Variants in LYST observed in about 807,000 individuals in gnomAD.
LYST encodes the protein lysosomal-trafficking regulator.
A neutral mutation model predicts 413.6 loss-of-function variants in LYST; 192 were observed. That is an observed-to-expected ratio of 0.46 (90% CI 0.41 to 0.52). The LOEUF (loss-of-function observed/expected upper bound fraction) is 0.52. Ranked by LOEUF, LYST falls within the 20% of genes least tolerant of loss-of-function variation. The pLI is 0.00. For synonymous variants in LYST, 1,525 were observed against 1,567.3 expected, an observed-to-expected ratio of 0.97 and a Z score of 0.64; for missense variants, 3,815 against 4,499.9, an observed-to-expected ratio of 0.85 and a Z score of 4.35.
At chr1:235,702,265 A>G (rs1029962664) in intron 45 of LYST, among the ~76,000 whole-genome samples, 7 of 152,206 alleles carry the variant, frequency 4.6e-5, no homozygotes, top group African/African-American at 1.7e-4. Flanking sequence ...ACTTCTTATC[A>G]TTACAACCTG....
At chr1:235,821,206 G>A (rs1031608573) in intron 3 of LYST, among the ~76,000 whole-genome samples, 2 of 152,306 alleles carry the variant, frequency 1.3e-5, no homozygotes. Context: ...GGGAGGCCAA[G>A]GGGGGTGGTT....
intron 1 of LYST, among the ~76,000 whole-genome samples, chr1:235,872,511 CT>C (rs1303281917): frequency 6.6e-6 from 1 of 152,144 alleles, no homozygotes; most frequent in African/African-American, 2.4e-5. Context: ...TTCTTGGCAT[CT>C]GTGTGCAGCA....
Position 235,787,203 on chromosome 1 carries a change from T to C in LYST, c.4859A>G (p.Gln1620Arg). 4 of 1,613,008 alleles carry C rather than the reference T, an allele frequency of 2.5e-6. No homozygotes were observed. The highest frequency in any genetic ancestry group is 3.4e-6 in the Non-Finnish European group (4 of 1,179,038). ...ATTTTCTCAAAATGCTTCCTACCTC[T>C]GTCCAGAGACCCATATGGAGATTTT... Reference protein sequence around the residue: ...HGKISIWVSGQRKPDVTLDFM... With the variant: ...HGKISIWVSGRRKPDVTLDFM... Residue 1620 changes from glutamine to arginine, a missense_variant, in exon 14 of 53, where the codon CAG becomes CGG. Coordinates refer to ENST00000389793, the MANE Select transcript of LYST (RefSeq NM_000081.4).
intron 42 of LYST, among the ~76,000 whole-genome samples, chr1:235,713,401 C>T (rs189057155): frequency 2.6e-5 from 4 of 152,268 alleles, no homozygotes; most frequent in East Asian, 3.9e-4. Flanking sequence ...TAAGGAAATA[C>T]GGAACAAGAG....
intron 25 of LYST, among the ~76,000 whole-genome samples, chr1:235,754,860 G>A (rs950103428): frequency 9.3e-5 from 14 of 151,196 alleles, no homozygotes; most frequent in Admixed American, 2.0e-4. Context: ...GATGGCTTGA[G>A]GTCAGGAGTT....
At chr1:235,805,539 A>ATG (rs149137664) in intron 6 of LYST, among the ~76,000 whole-genome samples, 2 of 151,176 alleles carry the variant, frequency 1.3e-5, no homozygotes, top group Non-Finnish European at 2.9e-5. Flanking sequence ...CACTTATAAA[A>ATG]TGTGTGTGTG....
In LYST at chr1:235,781,031, G is replaced by A. The variant is rs769014135; in HGVS notation, c.5048C>T (p.Ala1683Val). ...FNGAKVGSQE[A>V]FYLYACGPNH... ...GGGTCCACAAGCATACAGATAAAAGGCCTCTTGTGAACCAACCTTAGCTCC... is the reference window on the plus strand; with the variant it reads ...GGGTCCACAAGCATACAGATAAAAGACCTCTTGTGAACCAACCTTAGCTCC... The change falls in exon 16 of 53, where the codon GCC (alanine) becomes GTC (valine). Residue 1683 changes from alanine to valine, a missense_variant. Around this residue, in one of 4 missense-constraint regions of LYST, gnomAD observed 530 missense variants for 696.5 expected, o/e 0.76. Coordinates refer to ENST00000389793, the MANE Select transcript of LYST (RefSeq NM_000081.4). 6.8e-6 allele frequency: 11 copies of A among 1,611,576 alleles called. No homozygotes were observed. The highest frequency in any genetic ancestry group is 8.5e-6 in the Non-Finnish European group (10 of 1,178,428).
At chr1:235,680,572 T>C (rs1232701818) in intron 48 of LYST, among the ~76,000 whole-genome samples, 3 of 151,830 alleles carry the variant, frequency 2.0e-5, no homozygotes, top group Non-Finnish European at 4.4e-5. Context: ...GGCCCATGGA[T>C]ATTTCTAATA....
chr1:235,669,276 G>A (rs187297003), intron 50 of LYST, among the ~76,000 whole-genome samples: 1 of 152,280 alleles, frequency 6.6e-6, no homozygotes, highest in East Asian at 1.9e-4. Context: ...CCCACCTCCT[G>A]GTGAGGCAGG....
At chr1:235,877,040 C>T (rs1199688385) in intron 1 of LYST, among the ~76,000 whole-genome samples, 1 of 152,210 alleles carries the variant, frequency 6.6e-6, no homozygotes, top group Non-Finnish European at 1.5e-5. Flanking sequence ...TGCTCCTTAC[C>T]TGTTTTCTAG....
At chr1:235,881,857 G>A (rs567722760) in intron 1 of LYST, among the ~76,000 whole-genome samples, 1 of 152,160 alleles carries the variant, frequency 6.6e-6, no homozygotes, top group South Asian at 2.1e-4. Flanking sequence ...CCAGAAGCTG[G>A]GGGATAGAAG....
chr1:235,775,968 G>A (rs995358960), intron 17 of LYST, among the ~76,000 whole-genome samples: 5 of 151,924 alleles, frequency 3.3e-5, no homozygotes, highest in African/African-American at 1.2e-4. Context: ...AGTCTTATTG[G>A]CAAGATACTA....
At chr1:235,867,464 T>C (rs889894939), upstream of LYST, among the ~76,000 whole-genome samples, 4 of 152,200 alleles carry the variant, frequency 2.6e-5, no homozygotes, top group Admixed American at 2.6e-4. Flanking sequence ...ATGGTTACCG[T>C]CGGCTTCTTT....
At chr1:235,712,615 C>T (rs1188262109) in intron 42 of LYST, 1 of 984,738 alleles carries the variant, frequency 1.0e-6, no homozygotes, top group Non-Finnish European at 1.2e-6. Context: ...CAGTTTTTTC[C>T]CCATCAGGAA....
chr1:235,842,659 C>T (rs1224423336), intron 1 of LYST, among the ~76,000 whole-genome samples: 1 of 152,086 alleles, frequency 6.6e-6, no homozygotes, highest in Non-Finnish European at 1.5e-5. Flanking sequence ...TAATTAAGCC[C>T]CTCGTAGTCA....
At chr1:235,768,169 A>G (rs1572197186) in intron 20 of LYST, among the ~76,000 whole-genome samples, 1 of 152,132 alleles carries the variant, frequency 6.6e-6, no homozygotes, top group South Asian at 2.1e-4. Flanking sequence ...TCAAATGTAG[A>G]TACAAAAACT....
chr1:235,873,178 A>G (rs1397814425), intron 1 of LYST, among the ~76,000 whole-genome samples: 1 of 152,236 alleles, frequency 6.6e-6, no homozygotes, highest in South Asian at 2.1e-4. Flanking sequence ...GAGTCCTGAC[A>G]TAAACATCAG....
At chr1:235,845,517 C>G (rs1225812262) in intron 1 of LYST, among the ~76,000 whole-genome samples, 1 of 152,312 alleles carries the variant, frequency 6.6e-6, no homozygotes, top group East Asian at 1.9e-4. Context: ...GCAAATCCAG[C>G]TCGCAGACTT....
chr1:235,782,735 A>G (rs1670003721), intron 14 of LYST, among the ~76,000 whole-genome samples: 1 of 152,198 alleles, frequency 6.6e-6, no homozygotes, highest in Admixed American at 6.5e-5. Flanking sequence ...TTTGCCAAGA[A>G]GTCTCCCATC....
Sources: gnomAD v4.1 joint callset for allele counts (sites outside exome capture counted in the v4.1 genomes callset) on GRCh38, gnomAD v4.1.1 for gene constraint, gnomAD v4.1.1 regional missense constraint, MANE v1.5 for transcripts, NCBI Gene and HGNC (gene_info 2026-07-23, HGNC 2026-07-21) for gene names.